The following FANCA variants were observed in gnomAD, a reference collection of about 807,000 sequenced individuals.
FANCA encodes FA complementation group A.
FANCA carries 236 observed loss-of-function variants against 194.3 expected under a neutral mutation model. The observed-to-expected ratio is 1.21, with a 90% CI of 1.09 to 1.35. FANCA has a LOEUF of 1.35. FANCA is among the 40% of genes most tolerant of loss of function. The probability of loss-of-function intolerance (pLI) is 0.00; values close to 1 mark genes in which losing one functional copy is unlikely to be tolerated. For synonymous variants in FANCA, 1,014 were observed against 715.8 expected (o/e 1.42, Z -6.65); for missense variants, 2,628 against 1,813.9 (o/e 1.45, Z -8.15).
chr16:89,740,839 AG>A lies in FANCA; in HGVS notation c.3792del (p.Leu1265Ter), dbSNP rs587778319. The A allele has an allele frequency of 6.2e-7, 1 of 1,613,686 alleles. No homozygotes were observed. Among genetic ancestry groups the A allele is most frequent in the Admixed American group, 1.7e-5 (1 of 59,978 alleles). On this transcript the variant is annotated frameshift_variant, in exon 38 of 43. Transcript: ENST00000389301. LOFTEE classifies it high-confidence loss of function. ...EELLVFLFFFSLMGLLSSHLT... is the reference protein window; with the variant it reads ...EELLVFLFFFXLMGLLSSHLT... ...AGATGTGACGACAGCAGGCCCATCA[AG>A]GAGAAGAAGAAAAGGAAAACCAATA...
intron 11 of FANCA, among the ~76,000 whole-genome samples, chr16:89,794,087 T>G (rs1352389048): frequency 1.4e-5 from 1 of 73,254 alleles, no homozygotes; most frequent in Non-Finnish European, 2.4e-5. Context: ...TGAAGACAGA[T>G]CTTAATATGT....
At chr16:89,784,498 G>A (rs1006827187) in intron 15 of FANCA, among the ~76,000 whole-genome samples, 1 of 151,216 alleles carries the variant, frequency 6.6e-6, no homozygotes, top group Non-Finnish European at 1.5e-5. Flanking sequence ...TGCGTAACTG[G>A]GTGCTGAGAA....
At position 89,765,068 on chromosome 16, in the gene FANCA, T is replaced by C. The variant is rs1555545592; in HGVS notation, c.2602-2A>G. On this transcript the variant is annotated splice_acceptor_variant, in intron 27 of 42. Transcript: ENST00000389301. LOFTEE classifies it high-confidence loss of function. ...CAATCTGAACATGAGGAACTGAAAC[T>C]GAAACAGAGAGTGACCCGGCCGTTT... 6.2e-7 allele frequency: 1 copy of C among 1,614,012 alleles called. No homozygotes were observed. The highest frequency in any genetic ancestry group is 8.5e-7 in the Non-Finnish European group (1 of 1,179,916).
At chr16:89,803,444 T>C in intron 7 of FANCA, 103 bp from the exon 8 acceptor site, 1 of 1,081,768 alleles carries the variant, frequency 9.2e-7, no homozygotes, top group Non-Finnish European at 1.4e-6. Context: ...AGCATATGGC[T>C]TGGGCCCACC....
At chr16:89,812,304 C>T (rs2040916260) in intron 3 of FANCA, among the ~76,000 whole-genome samples, 2 of 150,224 alleles carry the variant, frequency 1.3e-5, no homozygotes, top group Admixed American at 1.3e-4. Context: ...CGCCACTACA[C>T]TGCAGTCTGG....
chr16:89,738,849 C>G, intron 42 of FANCA, 33 bp downstream of exon 42: 1 of 1,614,194 alleles, frequency 6.2e-7, no homozygotes. Context: ...CTCATGTCCC[C>G]CACATGGCCC....
Position 89,738,774 on chromosome 16 carries a change from T to G in FANCA, c.4261-66A>C, listed in dbSNP as rs765239590. The G allele has an allele frequency of 3.5e-5, 57 of 1,612,394 alleles. 1 individual carries two copies. The highest frequency in any genetic ancestry group is 1.6e-4 in the Middle Eastern group (1 of 6,084). ...AGGCCTCAGACCACAGGGGAGGGGC[T>G]CTGGCAGAAATAGTCGAGTTGTATT... On this transcript the variant is annotated intron_variant, in intron 42 of 42. Coordinates refer to ENST00000389301, the MANE Select transcript of FANCA (RefSeq NM_000135.4).
intron 18 of FANCA, 79 bp downstream of exon 18, chr16:89,779,790 G>A: frequency 8.3e-7 from 1 of 1,201,376 alleles, no homozygotes; most frequent in East Asian, 2.3e-5. Flanking sequence ...TCAGAGCAGA[G>A]TCTGCACATA....
intron 36 of FANCA, 83 bp from the exon 37 acceptor site, chr16:89,743,021 T>C: frequency 6.6e-7 from 1 of 1,521,852 alleles, no homozygotes; most frequent in Non-Finnish European, 8.9e-7. Context: ...TTCCCACCTG[T>C]CACCTTTGGG....
rs200929939 is a variant in FANCA, at chr16:89,805,718, G to GA, written c.597-327_597-326insT. Reference sequence around the variant, plus strand: ...CCCAAAGTGCTGGGATGACTGGTGTGGCACTGTGCCCAGTCTCAAGTTATT... The same window carrying GA: ...CCCAAAGTGCTGGGATGACTGGTGTGAGCACTGTGCCCAGTCTCAAGTTATT... On this transcript the variant is annotated intron_variant, in intron 6 of 42. Transcript: ENST00000389301. 0.057 allele frequency among the ~76,000 whole-genome samples: 8,593 copies of GA among 152,046 alleles called. 843 individuals are homozygous for GA. Among genetic ancestry groups the GA allele is most frequent in the African/African-American group, 0.2 (8,179 of 41,402 alleles).
At chr16:89,786,015 A>AT (rs67279101) in intron 14 of FANCA, among the ~76,000 whole-genome samples, 5,463 of 104,086 alleles carry the variant, frequency 0.052, 355 homozygotes, top group African/African-American at 0.1. Context: ...ACTCCCAGCT[A>AT]TTTTTTTTTT....
chr16:89,777,292 G>C (rs979858235), intron 20 of FANCA, among the ~76,000 whole-genome samples: 11 of 152,300 alleles, frequency 7.2e-5, no homozygotes, highest in Admixed American at 5.2e-4. Flanking sequence ...GGAGAGGGAA[G>C]GACTGTTGAA....
intron 27 of FANCA, among the ~76,000 whole-genome samples, chr16:89,765,327 C>A (rs569239150): frequency 6.6e-6 from 1 of 150,930 alleles, no homozygotes; most frequent in African/African-American, 2.4e-5. Context: ...AACACACAAC[C>A]CCACGTTCAG....
At chr16:89,762,653 G>A (rs1423943509) in intron 28 of FANCA, 3 of 303,432 alleles carry the variant, frequency 9.9e-6, no homozygotes, top group Admixed American at 4.1e-5. Context: ...TTTATTTTTG[G>A]AAACAGGTTC....
intron 31 of FANCA, among the ~76,000 whole-genome samples, chr16:89,750,164 TACTACTTATCA>T (rs1026973762): frequency 1.6e-4 from 25 of 152,032 alleles, no homozygotes; most frequent in Admixed American, 1.0e-3. Flanking sequence ...GGAGTTACAG[TACTACTTATCA>T]ACTACTTATC....
At chr16:89,806,804 C>G (rs185536017) in intron 6 of FANCA, among the ~76,000 whole-genome samples, 1 of 152,204 alleles carries the variant, frequency 6.6e-6, no homozygotes, top group Non-Finnish European at 1.5e-5. Context: ...CCACCCTTCC[C>G]CCCTTTGTAT....
intron 22 of FANCA, 47 bp from the exon 23 acceptor site, chr16:89,771,861 G>C: frequency 1.2e-6 from 2 of 1,611,148 alleles, no homozygotes; most frequent in East Asian, 2.2e-5. Flanking sequence ...CCCGAAAGGA[G>C]GGATACAGCT....
rs1742295184 is a variant in FANCA, at chr16:89,737,586, T to A, written c.*1015A>T. 1 of 774,746 alleles carries A rather than the reference T, an allele frequency of 1.3e-6. No homozygotes were observed. The highest frequency in any genetic ancestry group is 3.3e-5 in the Admixed American group (1 of 30,502). The allele number at this position is 774,746 out of a possible 1,614,324, so 48.0% of individuals were successfully genotyped here. A position where few individuals can be genotyped will look rare whatever the true frequency, so the allele number is the denominator to read the frequency against. Reference sequence around the variant, plus strand: ...CTTTCTGAGGTTTCTTTAAAAACCATCCTGAAATGCACACAGCTGATGAAG... The same window carrying A: ...CTTTCTGAGGTTTCTTTAAAAACCAACCTGAAATGCACACAGCTGATGAAG... On this transcript the variant is annotated 3_prime_UTR_variant, in exon 43 of 43. Coordinates refer to ENST00000389301, the MANE Select transcript of FANCA (RefSeq NM_000135.4).
At chr16:89,741,308 T>C (rs906477764) in intron 37 of FANCA, among the ~76,000 whole-genome samples, 2 of 152,224 alleles carry the variant, frequency 1.3e-5, no homozygotes, top group African/African-American at 4.8e-5. Flanking sequence ...CCTAAGGCCC[T>C]GGAGCCACTA....
Sources: allele counts gnomAD v4.1 joint callset (sites outside exome capture counted in the v4.1 genomes callset), GRCh38; gene constraint gnomAD v4.1.1; transcripts MANE v1.5; gene names NCBI Gene and HGNC (gene_info 2026-07-23, HGNC 2026-07-21).